The following SLC44A5 variants were observed in gnomAD, a reference collection of about 807,000 sequenced individuals.
SLC44A5 encodes the protein solute carrier family 44 member 5.
In SLC44A5, 57 loss-of-function variants were observed where a neutral mutation model predicts 101.8. The observed-to-expected ratio is 0.56, with a 90% CI of 0.45 to 0.70. The LOEUF is 0.70. Among genes scored for constraint, SLC44A5 ranks in the 30% least tolerant of loss-of-function variants. SLC44A5 has a pLI of 0.00. For missense variants in SLC44A5, 737 were observed against 853.1 expected (o/e 0.86, Z 1.70); for synonymous variants, 281 against 290.9 (o/e 0.97, Z 0.35).
intron 1 of SLC44A5, among the ~76,000 whole-genome samples, chr1:75,575,982 C>A (rs10489587): frequency 0.27 from 40,948 of 151,842 alleles, 7,409 homozygotes; most frequent in East Asian, 0.78. Flanking sequence ...GGCATAAATA[C>A]AAACAGCACC....
At chr1:75,544,963 C>T (rs988836862) in intron 1 of SLC44A5, among the ~76,000 whole-genome samples, 3 of 152,040 alleles carry the variant, frequency 2.0e-5, no homozygotes, top group African/African-American at 7.2e-5. Context: ...ACCCATCAAC[C>T]TGTAATCTAC....
chr1:75,520,588 G>C (rs1229267649), intron 2 of SLC44A5, among the ~76,000 whole-genome samples: 1 of 152,028 alleles, frequency 6.6e-6, no homozygotes, highest in East Asian at 1.9e-4. Flanking sequence ...GGGGAAAGGT[G>C]GGTAAGAAGG....
At chr1:75,696,521 T>G in the SLC44A5 span, among the ~76,000 whole-genome samples, 1 of 152,102 alleles carries the variant, frequency 6.6e-6, no homozygotes, top group Non-Finnish European at 1.5e-5. Context: ...AAATAAATAT[T>G]GAGGATTGGA....
At chr1:75,358,571 T>G (rs951918643) in intron 3 of SLC44A5, among the ~76,000 whole-genome samples, 2 of 152,196 alleles carry the variant, frequency 1.3e-5, no homozygotes, top group East Asian at 3.8e-4. Flanking sequence ...TACCATTTTG[T>G]GTGTGTGGTG....
intron 2 of SLC44A5, among the ~76,000 whole-genome samples, chr1:75,464,026 T>C (rs1666666792): frequency 6.6e-6 from 1 of 151,858 alleles, no homozygotes; most frequent in Non-Finnish European, 1.5e-5. Flanking sequence ...ATCAAGATCA[T>C]CCTGGCTAAC....
Position 75,379,059 on chromosome 1 carries a change from C to G in SLC44A5, c.52+17524G>C, listed in dbSNP as rs1660798560. The stretch of plus-strand genomic sequence containing the variant: ...TGGCAATTCCCAGTAACGTTAGAAC[C>G]AATGCCACCTGGAGAAGGAGCCCAA... On this transcript the variant is annotated intron_variant, in intron 3 of 23. Coordinates refer to ENST00000370859, the MANE Select transcript of SLC44A5 (RefSeq NM_001130058.2). Among the ~76,000 whole-genome samples the G allele has an allele frequency of 2.5e-5, 2 of 79,174 alleles. 1 individual carries two copies. Among genetic ancestry groups the G allele is most frequent in the African/African-American group, 1.8e-4 (2 of 11,126 alleles). The allele number at this position is 79,174 out of a possible 152,430, so 51.9% of individuals were successfully genotyped here. A position where few individuals can be genotyped will look rare whatever the true frequency, so the allele number is the denominator to read the frequency against.
chr1:75,248,483 C>A (rs1382842999), intron 7 of SLC44A5, among the ~76,000 whole-genome samples: 2 of 152,004 alleles, frequency 1.3e-5, no homozygotes, highest in African/African-American at 4.8e-5. Context: ...ATGACATAGA[C>A]GAAGATAGGC....
intron 2 of SLC44A5, among the ~76,000 whole-genome samples, chr1:75,471,382 A>AACACACAC (rs3058800): frequency 2.7e-5 from 4 of 149,214 alleles, no homozygotes; most frequent in Admixed American, 6.7e-5. Context: ...TGTGCATGAA[A>AACACACAC]ACACACACAC....
the SLC44A5 span, among the ~76,000 whole-genome samples, chr1:75,683,680 G>A: frequency 2.1e-3 from 316 of 151,982 alleles, 2 homozygotes; most frequent in African/African-American, 6.8e-3. Flanking sequence ...TGGGTGCAGC[G>A]CACCAGCATG....
intron 2 of SLC44A5, among the ~76,000 whole-genome samples, chr1:75,444,026 A>G (rs531711238): frequency 9.7e-4 from 148 of 152,126 alleles, no homozygotes; most frequent in African/African-American, 3.4e-3. Flanking sequence ...GAAAATAAAT[A>G]GTGCTGATGG....
chr1:75,262,357 A>T (rs997302965), intron 6 of SLC44A5, among the ~76,000 whole-genome samples: 6 of 152,204 alleles, frequency 3.9e-5, no homozygotes, highest in Admixed American at 3.9e-4. Flanking sequence ...TAGAGAGCAA[A>T]ACTATCAGTG....
chr1:75,450,176 C>T (rs1199454754), intron 2 of SLC44A5, among the ~76,000 whole-genome samples: 3 of 152,114 alleles, frequency 2.0e-5, no homozygotes, highest in Non-Finnish European at 1.5e-5. Flanking sequence ...GAGTGAAGCT[C>T]CAGTACTTGA....
intron 7 of SLC44A5, among the ~76,000 whole-genome samples, chr1:75,248,508 C>T (rs1418854569): frequency 6.6e-6 from 1 of 151,944 alleles, no homozygotes; most frequent in Non-Finnish European, 1.5e-5. Flanking sequence ...AAACGGATGT[C>T]AGAGAGGGAG....
intron 4 of SLC44A5, among the ~76,000 whole-genome samples, chr1:75,313,912 G>A (rs978031305): frequency 3.9e-5 from 6 of 152,154 alleles, no homozygotes; most frequent in African/African-American, 1.4e-4. Context: ...AATAAAAGTT[G>A]TACAGTGAAG....
intron 5 of SLC44A5, among the ~76,000 whole-genome samples, chr1:75,294,207 T>C (rs1040590835): frequency 6.6e-6 from 1 of 152,210 alleles, no homozygotes; most frequent in Admixed American, 6.5e-5. Context: ...TTTCCAGTTA[T>C]ACTCATTGCC....
chr1:75,554,099 C>T (rs573834812), intron 1 of SLC44A5, among the ~76,000 whole-genome samples: 1 of 152,212 alleles, frequency 6.6e-6, no homozygotes, highest in South Asian at 2.1e-4. Context: ...AAAAGTAGAA[C>T]TGAATAGAGA....
the SLC44A5 span, among the ~76,000 whole-genome samples, chr1:75,681,920 C>T: frequency 6.6e-6 from 1 of 152,180 alleles, no homozygotes; most frequent in Non-Finnish European, 1.5e-5. Flanking sequence ...TCTCAGGATA[C>T]AAAATCAATG....
intron 3 of SLC44A5, among the ~76,000 whole-genome samples, chr1:75,356,262 A>G (rs116379997): frequency 1.3e-4 from 19 of 151,064 alleles, no homozygotes; most frequent in African/African-American, 4.6e-4. Context: ...CCTTGTTAGC[A>G]TAGGAGATGA....
the SLC44A5 span, among the ~76,000 whole-genome samples, chr1:75,656,477 A>G: frequency 6.6e-6 from 1 of 152,224 alleles, no homozygotes; most frequent in African/African-American, 2.4e-5. Flanking sequence ...GCTATATAAA[A>G]AGACATAAAT....
Sources: allele counts gnomAD v4.1 joint callset (sites outside exome capture counted in the v4.1 genomes callset), GRCh38; gene constraint gnomAD v4.1.1; transcripts MANE v1.5; gene names NCBI Gene and HGNC (gene_info 2026-07-23, HGNC 2026-07-21).